PACS1: variants seen among roughly 807,000 people sequenced by gnomAD.
PACS1 encodes PACS-1.
PACS1 carries 24 observed loss-of-function variants against 115.0 expected under a neutral mutation model. The ratio of observed to expected loss-of-function variants is 0.21; its 90% CI spans 0.15 to 0.29. The LOEUF (loss-of-function observed/expected upper bound fraction) is 0.29, where lower values mean the gene tolerates loss of function less well. PACS1 is among the 10% of genes least tolerant of loss of function. PACS1 has a pLI of 1.00. For synonymous variants in PACS1, 453 were observed against 504.5 expected (o/e 0.90, Z 1.37); for missense variants, 838 against 1,251.2 (o/e 0.67, Z 4.98).
intron 1 of PACS1, among the ~76,000 whole-genome samples, chr11:66,138,125 T>A (rs542968490): frequency 6.6e-6 from 1 of 151,028 alleles, no homozygotes; most frequent in East Asian, 1.9e-4. Flanking sequence ...AGTATCACAC[T>A]CTGTCACTCA....
chr11:66,126,005 A>C (rs1466267946), intron 1 of PACS1, among the ~76,000 whole-genome samples: 1 of 147,646 alleles, frequency 6.8e-6, no homozygotes, highest in African/African-American at 2.5e-5. Flanking sequence ...GTACCATTGC[A>C]CTCTAGCCTG....
chr11:66,130,976 T>G (rs914148353), intron 1 of PACS1, among the ~76,000 whole-genome samples: 2 of 151,478 alleles, frequency 1.3e-5, no homozygotes, highest in African/African-American at 2.4e-5. Flanking sequence ...GAGACTGGGG[T>G]GGGAGGATCG....
chr11:66,140,028 T>C (rs572839380), intron 1 of PACS1, among the ~76,000 whole-genome samples: 2 of 152,306 alleles, frequency 1.3e-5, no homozygotes, highest in African/African-American at 4.8e-5. Flanking sequence ...AAACCAACCT[T>C]TACCCACGTA....
Position 66,202,739 on chromosome 11 carries a change from AAAAATATATATATATAT to A in PACS1, c.445-7621_445-7605del, listed in dbSNP as rs1256631222. On this transcript the variant is annotated intron_variant, in intron 2 of 23. Transcript: ENST00000320580. ...CCTCATCTCTAGGAAAAAAAAAAAA[AAAAATATATATATATAT>A]ATATATATATATATATATATATATA... 1.6e-4 allele frequency among the ~76,000 whole-genome samples: 12 copies of A among 73,044 alleles called. 4 individuals carry two copies. Among genetic ancestry groups the A allele is most frequent in the East Asian group, 6.4e-4 (2 of 3,128 alleles). 47.9% of individuals were successfully genotyped at this position (73,044 alleles called of 152,430 possible).
At chr11:66,149,961 C>T (rs1859201205) in intron 1 of PACS1, among the ~76,000 whole-genome samples, 1 of 152,082 alleles carries the variant, frequency 6.6e-6, no homozygotes, top group South Asian at 2.1e-4. Flanking sequence ...GTTAGTCAGG[C>T]TGGTCTCGAA....
chr11:66,178,026 G>T (rs1859912394), intron 1 of PACS1, among the ~76,000 whole-genome samples: 1 of 148,910 alleles, frequency 6.7e-6, no homozygotes, highest in Non-Finnish European at 1.5e-5. Context: ...ATCTTTTCCA[G>T]AGAGTTGAAC....
intron 11 of PACS1, among the ~76,000 whole-genome samples, chr11:66,229,257 G>A (rs537702298): frequency 8.6e-5 from 13 of 150,372 alleles, no homozygotes; most frequent in Non-Finnish European, 1.9e-4. Flanking sequence ...AAATTAGCCA[G>A]GCATGCTGAC....
intron 1 of PACS1, among the ~76,000 whole-genome samples, chr11:66,106,609 G>A (rs1230308489): frequency 1.3e-5 from 2 of 151,928 alleles, no homozygotes; most frequent in African/African-American, 4.8e-5. Context: ...AGGCGTGGTG[G>A]TGCATGCCTG....
At chr11:66,142,670 G>A (rs1859022891) in intron 1 of PACS1, among the ~76,000 whole-genome samples, 1 of 150,654 alleles carries the variant, frequency 6.6e-6, no homozygotes, top group African/African-American at 2.4e-5. Flanking sequence ...GTTGAAACCT[G>A]ATAGTTAGAA....
At chr11:66,202,725 G>A (rs1436552389) in intron 2 of PACS1, among the ~76,000 whole-genome samples, 1 of 1,040 alleles carries the variant, frequency 9.6e-4, no homozygotes, top group Non-Finnish European at 2.2e-3. Flanking sequence ...CTCATCTCTA[G>A]GAAAAAAAAA....
chr11:66,189,899 A>G (rs1854477846), intron 1 of PACS1, among the ~76,000 whole-genome samples: 1 of 152,166 alleles, frequency 6.6e-6, no homozygotes, highest in African/African-American at 2.4e-5. Flanking sequence ...AAAGGCACTC[A>G]AGGCATTGCT....
chr11:66,138,200 T>C (rs1192560901), intron 1 of PACS1, among the ~76,000 whole-genome samples: 2 of 152,000 alleles, frequency 1.3e-5, no homozygotes, highest in African/African-American at 2.4e-5. Context: ...GAAGTGATGC[T>C]CCTGCCTCAG....
chr11:66,128,815 CGGA>C (rs1858636485), intron 1 of PACS1, among the ~76,000 whole-genome samples: 2 of 149,814 alleles, frequency 1.3e-5, no homozygotes, highest in Non-Finnish European at 3.0e-5. Context: ...ACCCGTGAGG[CGGA>C]GGTTGCAGTG....
chr11:66,127,470 C>T (rs538085523), intron 1 of PACS1, among the ~76,000 whole-genome samples: 1 of 152,336 alleles, frequency 6.6e-6, no homozygotes, highest in African/African-American at 2.4e-5. Flanking sequence ...CCTCCTCACT[C>T]ATACGTGCTG....
intron 1 of PACS1, among the ~76,000 whole-genome samples, chr11:66,093,848 C>T (rs1051898174): frequency 6.6e-6 from 1 of 152,210 alleles, no homozygotes; most frequent in Non-Finnish European, 1.5e-5. Context: ...CAAACTGTCT[C>T]TCAGACCACA....
chr11:66,096,039 A>AT (rs1161140866), intron 1 of PACS1, among the ~76,000 whole-genome samples: 1 of 151,754 alleles, frequency 6.6e-6, no homozygotes, highest in Non-Finnish European at 1.5e-5. Context: ...GGTTGAAGGA[A>AT]TTCTTCTGCC....
chr11:66,126,432 T>C (rs1858572803), intron 1 of PACS1, among the ~76,000 whole-genome samples: 1 of 152,160 alleles, frequency 6.6e-6, no homozygotes, highest in South Asian at 2.1e-4. Context: ...TTTTCCTTAA[T>C]TGGAACCTGA....
At chr11:66,146,885 G>A (rs936325178) in intron 1 of PACS1, among the ~76,000 whole-genome samples, 9 of 152,130 alleles carry the variant, frequency 5.9e-5, no homozygotes, top group African/African-American at 7.2e-5. Context: ...TGAAACCCCC[G>A]TCTCTACTAA....
At chr11:66,200,043 CAAAACAAAAA>C (rs1590813845) in intron 2 of PACS1, among the ~76,000 whole-genome samples, 2 of 110,678 alleles carry the variant, frequency 1.8e-5, no homozygotes, top group Non-Finnish European at 2.1e-5. Flanking sequence ...AAAAACAAAA[CAAAACAAAAA>C]AAAAAACAAG....
Sources: allele counts gnomAD v4.1 joint callset (sites outside exome capture counted in the v4.1 genomes callset), GRCh38; gene constraint gnomAD v4.1.1; transcripts MANE v1.5; gene names NCBI Gene and HGNC (gene_info 2026-07-23, HGNC 2026-07-21).